The following GPHN variants were observed in gnomAD, a reference collection of about 807,000 sequenced individuals.
GPHN encodes the protein gephyrin.
In GPHN, 17 loss-of-function variants were observed where a neutral mutation model predicts 95.5. The ratio of observed to expected loss-of-function variants is 0.18; its 90% confidence interval spans 0.12 to 0.27. GPHN has a LOEUF of 0.27. Ranked by LOEUF, GPHN falls within the 10% of genes least tolerant of loss-of-function variation. GPHN has a pLI of 1.00. For synonymous variants in GPHN, 320 were observed against 322.5 expected, an observed-to-expected ratio of 0.99 and a Z score of 0.08; for missense variants, 660 against 978.1, an observed-to-expected ratio of 0.67 and a Z score of 4.34.
chr14:66,780,565 C>A (rs778932654), intron 3 of GPHN, among the ~76,000 whole-genome samples: 1 of 149,138 alleles, frequency 6.7e-6, no homozygotes, highest in African/African-American at 2.5e-5. Flanking sequence ...TTTAGAGTTA[C>A]AAGAGTTATC....
At chr14:67,516,409 T>C in the GPHN span, among the ~76,000 whole-genome samples, 1 of 151,750 alleles carries the variant, frequency 6.6e-6, no homozygotes, top group African/African-American at 2.4e-5. Context: ...GGGGGGGAAA[T>C]GAGGAGAGGG....
the GPHN span, chr14:67,221,927 T>C: frequency 7.8e-7 from 1 of 1,279,464 alleles, no homozygotes; most frequent in South Asian, 1.4e-5. Context: ...TTTTGATGCA[T>C]TTCCTTTCTT....
chr14:67,200,325 T>C, the GPHN span: 2 of 653,888 alleles, frequency 3.1e-6, no homozygotes, highest in Non-Finnish European at 5.5e-6. Context: ...TCTCCCTCAG[T>C]AAATTCACAT....
chr14:67,285,215 A>G, the GPHN span, among the ~76,000 whole-genome samples: 3 of 152,200 alleles, frequency 2.0e-5, no homozygotes, highest in Non-Finnish European at 2.9e-5. Flanking sequence ...TTCTGAGGAC[A>G]GGTTAAAAGA....
At chr14:67,446,622 T>C in the GPHN span, among the ~76,000 whole-genome samples, 1 of 152,166 alleles carries the variant, frequency 6.6e-6, no homozygotes, top group African/African-American at 2.4e-5. Context: ...CCACCTACCC[T>C]TCTGATGAGC....
chr14:67,037,263 T>A (rs919216907), intron 10 of GPHN, among the ~76,000 whole-genome samples: 1 of 151,988 alleles, frequency 6.6e-6, no homozygotes, highest in African/African-American at 2.4e-5. Context: ...CCTTATCTTA[T>A]ACCATGCACA....
the GPHN span, among the ~76,000 whole-genome samples, chr14:67,491,800 G>C: frequency 6.6e-6 from 1 of 152,198 alleles, no homozygotes; most frequent in Non-Finnish European, 1.5e-5. Context: ...GAGGGGCCAA[G>C]CTCAACTACA....
chr14:66,825,599 A>T lies in GPHN; in HGVS notation c.294+1033A>T, dbSNP rs1257417642. ...TCTAACAAGGCCCCAGGTGATGCAG[A>T]TGTTGTCGTTGTTGTTGGACCATAG... On this transcript the variant is annotated intron_variant, in intron 4 of 22. Coordinates refer to ENST00000478722, the MANE Select transcript of GPHN (RefSeq NM_020806.5). Among the ~76,000 whole-genome samples the T allele has an allele frequency of 2.0e-5, 3 of 152,246 alleles. No homozygotes were observed. In the East Asian group the frequency reaches 5.8e-4, roughly 29 times the overall value.
At chr14:67,026,113 T>C (rs1485977161) in intron 10 of GPHN, among the ~76,000 whole-genome samples, 5 of 152,328 alleles carry the variant, frequency 3.3e-5, no homozygotes, top group South Asian at 4.1e-4. Flanking sequence ...TCTCTACTTA[T>C]TTGCTGTGTG....
At chr14:67,118,882 C>T (rs2078853452) in intron 16 of GPHN, among the ~76,000 whole-genome samples, 1 of 152,154 alleles carries the variant, frequency 6.6e-6, no homozygotes, top group Non-Finnish European at 1.5e-5. Context: ...ATTTGTTATG[C>T]TGGCATATTT....
chr14:66,811,404 G>T (rs535764462), intron 3 of GPHN, among the ~76,000 whole-genome samples: 3 of 152,096 alleles, frequency 2.0e-5, no homozygotes, highest in Non-Finnish European at 4.4e-5. Context: ...GTCAACAAAG[G>T]TTTAAAATTG....
chr14:67,127,833 A>C (rs2079428380), intron 17 of GPHN, among the ~76,000 whole-genome samples: 1 of 152,242 alleles, frequency 6.6e-6, no homozygotes, highest in African/African-American at 2.4e-5. Context: ...AGATTAAATA[A>C]AGAGAAATAT....
the GPHN span, among the ~76,000 whole-genome samples, chr14:67,675,726 C>T: frequency 0.11 from 15,981 of 152,068 alleles, 920 homozygotes; most frequent in Middle Eastern, 0.21. Flanking sequence ...GTGGGCCTGG[C>T]TTCATTAGGT....
chr14:67,074,189 T>TC (rs2076412160), intron 11 of GPHN, among the ~76,000 whole-genome samples: 1 of 144,108 alleles, frequency 6.9e-6, no homozygotes, highest in South Asian at 2.1e-4. Context: ...GATATTCCTT[T>TC]TTTTTTTTTT....
the GPHN span, chr14:67,727,485 GT>G: frequency 0.021 from 5,241 of 253,024 alleles, 1 homozygote; most frequent in South Asian, 0.038. Flanking sequence ...TGTTTTTTTT[GT>G]TTTTTTTTTT....
the GPHN span, among the ~76,000 whole-genome samples, chr14:67,325,503 A>G: frequency 6.6e-6 from 1 of 152,178 alleles, no homozygotes; most frequent in African/African-American, 2.4e-5. Flanking sequence ...GGGATGATAC[A>G]AAGGAAATAG....
chr14:66,958,696 A>T (rs1176534399), intron 8 of GPHN, among the ~76,000 whole-genome samples: 3 of 152,176 alleles, frequency 2.0e-5, no homozygotes, highest in South Asian at 4.1e-4. Flanking sequence ...TAGTATTATA[A>T]TATTATGGGA....
At chr14:67,114,157 T>C (rs1439254873) in intron 16 of GPHN, among the ~76,000 whole-genome samples, 1 of 152,236 alleles carries the variant, frequency 6.6e-6, no homozygotes, top group East Asian at 1.9e-4. Flanking sequence ...CCAGATGTGC[T>C]TACTTCCCAG....
chr14:67,212,666 A>T, the GPHN span, among the ~76,000 whole-genome samples: 15 of 129,006 alleles, frequency 1.2e-4, no homozygotes, highest in African/African-American at 3.7e-4. Flanking sequence ...ATATATATTT[A>T]CACATACATA....
Sources: gnomAD v4.1 joint callset for allele counts (sites outside exome capture counted in the v4.1 genomes callset) on GRCh38, gnomAD v4.1.1 for gene constraint, MANE v1.5 for transcripts, NCBI Gene and HGNC (gene_info 2026-07-23, HGNC 2026-07-21) for gene names.